The following DOK6 variants were observed in gnomAD, a reference collection of about 807,000 sequenced individuals.
The protein encoded by DOK6 is downstream of tyrosine kinase 6.
A neutral mutation model predicts 44.0 loss-of-function variants in DOK6; 22 were observed. The observed-to-expected ratio is 0.50, with a 90% CI of 0.36 to 0.71. DOK6 has a LOEUF of 0.71. Among genes scored for constraint, DOK6 ranks in the 30% least tolerant of loss-of-function variants. The pLI, the probability that DOK6 is intolerant of heterozygous loss-of-function variation, is 0.00. For missense variants in DOK6, 340 were observed against 416.4 expected (o/e 0.82, Z 1.60); for synonymous variants, 166 against 145.5 (o/e 1.14, Z -1.01).
At chr18:69,570,631 TA>T (rs1568299619) in intron 2 of DOK6, among the ~76,000 whole-genome samples, 1 of 152,116 alleles carries the variant, frequency 6.6e-6, no homozygotes, top group African/African-American at 2.4e-5. Context: ...GAATCATGCC[TA>T]CCAGGTCTTT....
chr18:69,561,854 C>A (rs1216288230), intron 1 of DOK6, among the ~76,000 whole-genome samples: 5 of 152,080 alleles, frequency 3.3e-5, no homozygotes, highest in Admixed American at 2.0e-4. Flanking sequence ...ATGGAAAAGA[C>A]TGTCTTCTAG....
In DOK6 at chr18:69,605,435, G is replaced by A. The variant is rs140538275; in HGVS notation, c.289+5937G>A. On this transcript the variant is annotated intron_variant, in intron 3 of 7. Coordinates refer to ENST00000382713, the MANE Select transcript of DOK6 (RefSeq NM_152721.6). ...TAAGTCCTGATGCTAATTACCAAAC[G>A]TATATTCACTTAACATAGATGACAG... Among the ~76,000 whole-genome samples the A allele has an allele frequency of 1.4e-4, 21 of 152,146 alleles. No individual in the cohort carries two copies. In the East Asian group the frequency reaches 2.1e-3, roughly 15 times the overall value.
At chr18:69,701,372 A>G (rs1599271906) in intron 5 of DOK6, among the ~76,000 whole-genome samples, 2 of 152,238 alleles carry the variant, frequency 1.3e-5, no homozygotes, top group South Asian at 2.1e-4. Flanking sequence ...AGGTAGAAAC[A>G]ACCAATTTGC....
At chr18:69,693,312 G>GAAAAA (rs10554189) in intron 4 of DOK6, among the ~76,000 whole-genome samples, 16 of 126,112 alleles carry the variant, frequency 1.3e-4, no homozygotes, top group East Asian at 2.3e-4. Context: ...CTTCTTTGAA[G>GAAAAA]AAAAAAAAAA....
chr18:69,506,505 T>C (rs747785487), intron 1 of DOK6, among the ~76,000 whole-genome samples: 57 of 152,186 alleles, frequency 3.7e-4, no homozygotes, highest in Admixed American at 9.8e-4. Flanking sequence ...AGACACAACA[T>C]AACCTTTCCA....
chr18:69,430,489 G>A (rs1305058756), intron 1 of DOK6, among the ~76,000 whole-genome samples: 2 of 152,102 alleles, frequency 1.3e-5, no homozygotes, highest in African/African-American at 4.8e-5. Context: ...AAACGATAAA[G>A]AAGTTAGTTG....
At chr18:69,426,985 T>C (rs1978656172) in intron 1 of DOK6, among the ~76,000 whole-genome samples, 1 of 148,950 alleles carries the variant, frequency 6.7e-6, no homozygotes, top group Non-Finnish European at 1.5e-5. Context: ...CCTGATCCTC[T>C]CTCCCCTTCC....
chr18:69,669,845 T>C (rs1985753253), intron 3 of DOK6, among the ~76,000 whole-genome samples: 1 of 152,226 alleles, frequency 6.6e-6, no homozygotes, highest in Non-Finnish European at 1.5e-5. Flanking sequence ...TTCTCATTGC[T>C]TTCATACATC....
At chr18:69,735,234 A>G (rs994243224) in intron 5 of DOK6, among the ~76,000 whole-genome samples, 5 of 152,234 alleles carry the variant, frequency 3.3e-5, no homozygotes, top group Non-Finnish European at 7.3e-5. Flanking sequence ...GAGGAATGTA[A>G]TTTGACAAAC....
At chr18:69,684,394 A>G (rs1986105475) in intron 4 of DOK6, among the ~76,000 whole-genome samples, 1 of 152,208 alleles carries the variant, frequency 6.6e-6, no homozygotes, top group Non-Finnish European at 1.5e-5. Flanking sequence ...TGTATATGTG[A>G]AGAAATACCT....
intron 7 of DOK6, among the ~76,000 whole-genome samples, chr18:69,765,203 C>A (rs1979681164): frequency 6.6e-6 from 1 of 152,064 alleles, no homozygotes; most frequent in South Asian, 2.1e-4. Context: ...TTTTGTTTTT[C>A]AAGTTCAAAG....
intron 6 of DOK6, among the ~76,000 whole-genome samples, chr18:69,750,048 T>TATATATATATTATATATATATA (rs1979123426): frequency 1.4e-5 from 2 of 147,678 alleles, no homozygotes; most frequent in South Asian, 2.1e-4. Context: ...GCATTTTATA[T>TATATATATATTATATATATATA]ATATATATAT....
intron 6 of DOK6, among the ~76,000 whole-genome samples, chr18:69,743,042 A>C (rs1362396722): frequency 6.6e-6 from 1 of 152,214 alleles, no homozygotes. Context: ...CCAAGTGAGA[A>C]TCAGAAACTG....
chr18:69,626,770 T>G (rs908393012), intron 3 of DOK6, among the ~76,000 whole-genome samples: 1 of 152,244 alleles, frequency 6.6e-6, no homozygotes, highest in African/African-American at 2.4e-5. Context: ...CTTGGATTAC[T>G]GTATTTCAAA....
intron 1 of DOK6, among the ~76,000 whole-genome samples, chr18:69,545,139 A>G (rs886469029): frequency 2.0e-5 from 3 of 150,492 alleles, no homozygotes; most frequent in Non-Finnish European, 3.0e-5. Flanking sequence ...ATTACAACCC[A>G]TGATATCAGA....
At chr18:69,671,103 A>C (rs1289455197) in intron 3 of DOK6, among the ~76,000 whole-genome samples, 1 of 152,104 alleles carries the variant, frequency 6.6e-6, no homozygotes, top group East Asian at 1.9e-4. Flanking sequence ...CTCTTGTGTC[A>C]TTCACTAACC....
chr18:69,567,133 T>C (rs1983002147), intron 2 of DOK6, among the ~76,000 whole-genome samples: 1 of 152,210 alleles, frequency 6.6e-6, no homozygotes, highest in Admixed American at 6.5e-5. Flanking sequence ...GTCTATCCGT[T>C]AGCCTGGCAT....
chr18:69,540,466 T>G (rs1181482325), intron 1 of DOK6, among the ~76,000 whole-genome samples: 2 of 152,208 alleles, frequency 1.3e-5, no homozygotes, highest in Non-Finnish European at 2.9e-5. Flanking sequence ...TACTATTCAT[T>G]GCAATCAAAA....
At chr18:69,692,482 A>G (rs1215268289) in intron 4 of DOK6, among the ~76,000 whole-genome samples, 5 of 152,236 alleles carry the variant, frequency 3.3e-5, no homozygotes, top group Admixed American at 1.3e-4. Flanking sequence ...TGTCTTCCAT[A>G]AATACTGGGG....
Sources: gnomAD v4.1 joint callset for allele counts (sites outside exome capture counted in the v4.1 genomes callset) on GRCh38, gnomAD v4.1.1 for gene constraint, MANE v1.5 for transcripts, NCBI Gene and HGNC (gene_info 2026-07-23, HGNC 2026-07-21) for gene names.